Variants in FHIT observed in about 807,000 individuals in gnomAD.
FHIT encodes the protein bis(5'-adenosyl)-triphosphatase.
A neutral mutation model predicts 17.9 loss-of-function variants in FHIT; 19 were observed. The observed-to-expected ratio is 1.06, with a 90% CI of 0.74 to 1.56. The LOEUF (loss-of-function observed/expected upper bound fraction) is 1.56, where lower values mean the gene tolerates loss of function less well. FHIT is among the 40% of genes most tolerant of loss of function. The probability of loss-of-function intolerance (pLI) is 0.00; values close to 1 mark genes in which losing one functional copy is unlikely to be tolerated. For synonymous variants in FHIT, 81 were observed against 69.7 expected (o/e 1.16, Z -0.81); for missense variants, 248 against 189.2 (o/e 1.31, Z -1.82).
intron 5 of FHIT, among the ~76,000 whole-genome samples, chr3:60,306,365 AC>A (rs1341370564): frequency 6.6e-6 from 1 of 152,206 alleles, no homozygotes; most frequent in Non-Finnish European, 1.5e-5. Flanking sequence ...GTTTGAGGAA[AC>A]TAAAGGTAAA....
chr3:59,833,216 C>G (rs565814309), intron 8 of FHIT, among the ~76,000 whole-genome samples: 1 of 152,160 alleles, frequency 6.6e-6, no homozygotes, highest in African/African-American at 2.4e-5. Flanking sequence ...TGTTGAAGTC[C>G]TAATCACTAC....
chr3:60,907,025 C>T (rs1330664121), intron 3 of FHIT, among the ~76,000 whole-genome samples: 1 of 152,026 alleles, frequency 6.6e-6, no homozygotes, highest in Non-Finnish European at 1.5e-5. Context: ...CATCATTAGG[C>T]ACAAATCATC....
rs896400961 is a variant in FHIT at position 59,788,879 on chromosome 3, A to ATTTATTTTTTTTTTTTTTTTTTTTT, written c.349-36559_349-36558insAAAAAAAAAAAAAAAAAAAAATAAA. On this transcript the variant is annotated intron_variant, in intron 8 of 9. Transcript: ENST00000492590. The stretch of plus-strand genomic sequence containing the variant: ...GAACCACGTTCTTTGCTGAGTTCAT[A>ATTTATTTTTTTTTTTTTTTTTTTTT]TGTTTTTTTTTTTTACCCCATCTCC... Among the ~76,000 whole-genome samples the ATTTATTTTTTTTTTTTTTTTTTTTT allele has an allele frequency of 1.2e-3, 4 of 3,320 alleles. 1 individual carries two copies. Among genetic ancestry groups the ATTTATTTTTTTTTTTTTTTTTTTTT allele is most frequent in the African/African-American group, 2.9e-3 (3 of 1,026 alleles). 2.2% of individuals were successfully genotyped at this position (3,320 alleles called of 152,430 possible).
chr3:60,161,292 A>G (rs1700926982), intron 5 of FHIT, among the ~76,000 whole-genome samples: 2 of 152,174 alleles, frequency 1.3e-5, no homozygotes. Flanking sequence ...CATGGGCATC[A>G]CGAAGCTTGT....
At chr3:60,515,593 T>C (rs928578174) in intron 5 of FHIT, among the ~76,000 whole-genome samples, 1 of 142,532 alleles carries the variant, frequency 7.0e-6, no homozygotes, top group African/African-American at 2.6e-5. Flanking sequence ...AAAAAAAAAA[T>C]GTTCACGGAA....
chr3:59,930,005 G>A (rs1242381587), intron 7 of FHIT, among the ~76,000 whole-genome samples: 1 of 152,164 alleles, frequency 6.6e-6, no homozygotes, highest in Non-Finnish European at 1.5e-5. Context: ...TATAGGATGT[G>A]TGATCAAGTG....
intron 2 of FHIT, among the ~76,000 whole-genome samples, chr3:61,078,992 A>G (rs1487512491): frequency 6.6e-6 from 1 of 152,158 alleles, no homozygotes; most frequent in Non-Finnish European, 1.5e-5. Flanking sequence ...TGGGTACCAC[A>G]GACCAGGTTA....
chr3:60,125,385 A>G (rs1022861334), intron 5 of FHIT, among the ~76,000 whole-genome samples: 5 of 152,156 alleles, frequency 3.3e-5, no homozygotes, highest in African/African-American at 9.7e-5. Context: ...TAATTCCAGC[A>G]CTTTGGGAGG....
chr3:59,840,693 C>A (rs1490566325), intron 8 of FHIT, among the ~76,000 whole-genome samples: 6 of 152,108 alleles, frequency 3.9e-5, no homozygotes, highest in Non-Finnish European at 8.8e-5. Flanking sequence ...TTACATCACT[C>A]AACGTCCCCA....
intron 5 of FHIT, among the ~76,000 whole-genome samples, chr3:60,279,396 A>C (rs979708489): frequency 6.6e-6 from 1 of 152,170 alleles, no homozygotes; most frequent in African/African-American, 2.4e-5. Flanking sequence ...GTATCTTTTT[A>C]AAACATTGAA....
rs76328953 is a variant in FHIT at position 60,171,886 on chromosome 3, A to G, written c.104-157734T>C. On this transcript the variant is annotated intron_variant, in intron 5 of 9. Transcript: ENST00000492590. The stretch of plus-strand genomic sequence containing the variant: ...CTGCCCAGCTATTTTTTTTTTATAA[A>G]TGGGATCTCACTATGTTGCCCAGAT... Among the ~76,000 whole-genome samples, 448 of 151,940 alleles carry G rather than the reference A, an allele frequency of 2.9e-3. 4 individuals carry two copies. The highest frequency in any genetic ancestry group is 0.01 in the African/African-American group (430 of 41,444).
intron 8 of FHIT, among the ~76,000 whole-genome samples, chr3:59,766,784 G>A (rs1400131107): frequency 2.0e-5 from 3 of 152,164 alleles, no homozygotes; most frequent in Non-Finnish European, 2.9e-5. Flanking sequence ...CACACTGATT[G>A]CTATTTGGGT....
chr3:60,328,506 G>A (rs543911114), intron 5 of FHIT, among the ~76,000 whole-genome samples: 2 of 152,192 alleles, frequency 1.3e-5, no homozygotes, highest in South Asian at 4.2e-4. Context: ...TGGATCTTGT[G>A]AGACTTACTA....
intron 5 of FHIT, among the ~76,000 whole-genome samples, chr3:60,302,141 G>A (rs1157206800): frequency 6.6e-6 from 1 of 152,040 alleles, no homozygotes; most frequent in African/African-American, 2.4e-5. Flanking sequence ...TATGCTGTGG[G>A]AATTAAATGA....
chr3:60,167,419 C>T (rs1701224426), intron 5 of FHIT, among the ~76,000 whole-genome samples: 1 of 151,946 alleles, frequency 6.6e-6, no homozygotes, highest in African/African-American at 2.4e-5. Context: ...CATATGTGTA[C>T]ACACACACAC....
At position 61,107,587 on chromosome 3, in the gene FHIT, G is replaced by A. The variant is rs114155994; in HGVS notation, c.-163-65488C>T. Among the ~76,000 whole-genome samples the A allele has an allele frequency of 5.9e-3, 893 of 152,236 alleles. 6 individuals carry two copies. The highest frequency in any genetic ancestry group is 0.01 in the Non-Finnish European group (693 of 68,020). On this transcript the variant is annotated intron_variant, in intron 2 of 9. Transcript: ENST00000492590. The stretch of plus-strand genomic sequence containing the variant: ...ACTAATGTACATTCTCACCAACAGT[G>A]TACATGGGTTGCTTTTTCTCTACAG...
chr3:59,780,965 C>T (rs1350920350), intron 8 of FHIT, among the ~76,000 whole-genome samples: 5 of 151,992 alleles, frequency 3.3e-5, no homozygotes, highest in Non-Finnish European at 1.5e-5. Context: ...TGCTAGGCCT[C>T]TATGATATAA....
At chr3:60,847,490 C>G (rs782343789) in intron 3 of FHIT, among the ~76,000 whole-genome samples, 1 of 152,116 alleles carries the variant, frequency 6.6e-6, no homozygotes, top group Non-Finnish European at 1.5e-5. Context: ...GCCTTAACAG[C>G]ACATCAGGCT....
intron 8 of FHIT, among the ~76,000 whole-genome samples, chr3:59,792,717 T>C (rs1699615699): frequency 6.6e-6 from 1 of 152,180 alleles, no homozygotes; most frequent in African/African-American, 2.4e-5. Flanking sequence ...TCATGATAAT[T>C]TCAAGCTTTT....
Sources: gnomAD v4.1 joint callset for allele counts (sites outside exome capture counted in the v4.1 genomes callset) on GRCh38, gnomAD v4.1.1 for gene constraint, MANE v1.5 for transcripts, NCBI Gene and HGNC (gene_info 2026-07-23, HGNC 2026-07-21) for gene names.